The following SLC38A4 variants were observed in gnomAD, a reference collection of about 807,000 sequenced individuals.
The protein encoded by SLC38A4 is solute carrier family 38 member 4, also known as sodium-coupled neutral amino acid transporter 4.
SLC38A4 carries 20 observed loss-of-function variants against 63.1 expected under a neutral mutation model. The ratio of observed to expected loss-of-function variants is 0.32; its 90% CI spans 0.22 to 0.46. The LOEUF (loss-of-function observed/expected upper bound fraction) is 0.46. Among genes scored for constraint, SLC38A4 ranks in the 20% least tolerant of loss-of-function variants. The probability of loss-of-function intolerance (pLI) is 1.00; values close to 1 mark genes in which losing one functional copy is unlikely to be tolerated. For synonymous variants in SLC38A4, 230 were observed against 225.5 expected, an observed-to-expected ratio of 1.02 and a Z score of -0.18; for missense variants, 526 against 663.6, an observed-to-expected ratio of 0.79 and a Z score of 2.28.
At chr12:46,814,092 T>C (rs879458003) in intron 1 of SLC38A4, among the ~76,000 whole-genome samples, 3 of 152,168 alleles carry the variant, frequency 2.0e-5, no homozygotes, top group Non-Finnish European at 2.9e-5. Flanking sequence ...GTATTGGATA[T>C]ACAGCATTAT....
At chr12:46,823,694 T>C (rs1282149022) in intron 1 of SLC38A4, among the ~76,000 whole-genome samples, 3 of 152,220 alleles carry the variant, frequency 2.0e-5, no homozygotes, top group Admixed American at 6.5e-5. Flanking sequence ...TTCCGAAACC[T>C]CAACGGGATA....
chr12:46,802,547 A>T (rs1485571979), intron 2 of SLC38A4, among the ~76,000 whole-genome samples: 7 of 152,042 alleles, frequency 4.6e-5, no homozygotes, highest in Admixed American at 4.6e-4. Flanking sequence ...CAGATCTTAA[A>T]TGTTGCTTAT....
At chr12:46,799,889 T>C (rs763488855) in intron 2 of SLC38A4, among the ~76,000 whole-genome samples, 3 of 152,150 alleles carry the variant, frequency 2.0e-5, no homozygotes, top group Non-Finnish European at 4.4e-5. Flanking sequence ...TCCTTGCACC[T>C]GAGGAACTCA....
chr12:46,782,750 C>T (rs1411639068), intron 7 of SLC38A4, among the ~76,000 whole-genome samples: 1 of 150,908 alleles, frequency 6.6e-6, no homozygotes, highest in African/African-American at 2.4e-5. Flanking sequence ...CTTATTTCAT[C>T]CTCACAATAG....
At chr12:46,811,898 C>T (rs1038058885) in intron 1 of SLC38A4, among the ~76,000 whole-genome samples, 3 of 151,872 alleles carry the variant, frequency 2.0e-5, no homozygotes, top group African/African-American at 7.3e-5. Flanking sequence ...AATTGCAAGT[C>T]TTACAGGAGT....
chr12:46,766,873 C>A, intron 16 of SLC38A4, 71 bp from the exon 17 acceptor site: 1 of 993,990 alleles, frequency 1.0e-6, no homozygotes, highest in South Asian at 1.4e-5. Flanking sequence ...TAGTTGTTTA[C>A]ATAATATGGC....
At position 46,831,865 on chromosome 12, in the gene SLC38A4, G is replaced by C. The variant is rs74082914; in HGVS notation, c.-108+462C>G. On this transcript the variant is annotated intron_variant, in intron 1 of 6. Coordinates refer to the SLC38A4 transcript ENST00000546940. The stretch of plus-strand genomic sequence containing the variant: ...AGTCGGGCCTCTCAGCCAGGCAGGC[G>C]GCGCGGCCACGGAACGCAGTCCCAA... Among the ~76,000 whole-genome samples the C allele has an allele frequency of 1.8e-3, 270 of 152,262 alleles. 1 individual carries two copies. Among genetic ancestry groups the C allele is most frequent in the African/African-American group, 6.1e-3 (254 of 41,564 alleles).
chr12:46,830,283 TTC>T (rs142069074), upstream of SLC38A4, among the ~76,000 whole-genome samples: 53 of 148,068 alleles, frequency 3.6e-4, no homozygotes, highest in Non-Finnish European at 3.1e-4. Flanking sequence ...ATTTAAGAAA[TTC>T]TCTCTCTCTC....
At chr12:46,823,072 C>A (rs570452172) in intron 1 of SLC38A4, among the ~76,000 whole-genome samples, 2 of 152,222 alleles carry the variant, frequency 1.3e-5, no homozygotes, top group Non-Finnish European at 2.9e-5. Flanking sequence ...CAGAAAACAA[C>A]CCTCCCATCA....
chr12:46,773,292 G>T (rs576949002), intron 14 of SLC38A4, among the ~76,000 whole-genome samples: 1 of 152,134 alleles, frequency 6.6e-6, no homozygotes, highest in East Asian at 1.9e-4. Context: ...TCCCAAGCAC[G>T]ACGGAGCTCA....
chr12:46,768,867 CTT>C (rs1457950317), intron 15 of SLC38A4, among the ~76,000 whole-genome samples: 1 of 152,044 alleles, frequency 6.6e-6, no homozygotes, highest in Non-Finnish European at 1.5e-5. Context: ...TAATAATACA[CTT>C]TATATAATCA....
At chr12:46,831,568 C>T (rs1221911902) in intron 1 of SLC38A4, among the ~76,000 whole-genome samples, 3 of 152,200 alleles carry the variant, frequency 2.0e-5, no homozygotes, top group Non-Finnish European at 4.4e-5. Context: ...AGTTTTCAGA[C>T]TCGCCCACCG....
intron 16 of SLC38A4, among the ~76,000 whole-genome samples, chr12:46,767,080 T>C (rs1938316408): frequency 6.6e-6 from 1 of 151,904 alleles, no homozygotes; most frequent in Admixed American, 6.6e-5. Context: ...TTATTAAAAA[T>C]CAAGGGACAG....
At chr12:46,811,882 A>G (rs1458050920) in intron 1 of SLC38A4, among the ~76,000 whole-genome samples, 2 of 151,938 alleles carry the variant, frequency 1.3e-5, no homozygotes, top group Non-Finnish European at 2.9e-5. Context: ...TGTCAAAAAA[A>G]AAGCTAATTG....
chr12:46,831,442 C>G, intron 1 of SLC38A4, among the ~76,000 whole-genome samples: 1 of 152,248 alleles, frequency 6.6e-6, no homozygotes, highest in Admixed American at 6.5e-5. Context: ...GCTCGGTTGC[C>G]GCGACCCCAC....
In SLC38A4 at chr12:46,766,668, T is replaced by G; in HGVS notation, c.*33A>C. On this transcript the variant is annotated 3_prime_UTR_variant, in exon 17 of 17. Transcript: ENST00000266579. ...CTTTTGGAGTATAACTTGTAACCAT[T>G]TCCAATAGAAAAAGAAAGTATTTTT... The G allele has an allele frequency of 7.4e-7, 1 of 1,351,054 alleles. No homozygotes were observed. The highest frequency in any genetic ancestry group is 1.1e-6 in the Non-Finnish European group (1 of 947,180). 83.7% of individuals were successfully genotyped at this position (1,351,054 alleles called of 1,614,324 possible).
At chr12:46,791,674 C>T (rs753493989) in intron 3 of SLC38A4, among the ~76,000 whole-genome samples, 13 of 152,196 alleles carry the variant, frequency 8.5e-5, no homozygotes, top group Non-Finnish European at 1.6e-4. Flanking sequence ...TGTGCACTCA[C>T]TATGCACCAG....
chr12:46,806,970 G>A (rs762936459), intron 1 of SLC38A4, among the ~76,000 whole-genome samples: 2 of 151,508 alleles, frequency 1.3e-5, no homozygotes, highest in African/African-American at 4.8e-5. Flanking sequence ...AAGTTCCAGC[G>A]GGATCAAGTT....
chr12:46,767,870 A>C (rs1159836957), intron 16 of SLC38A4, among the ~76,000 whole-genome samples: 1 of 152,102 alleles, frequency 6.6e-6, no homozygotes. Flanking sequence ...CACACCAGGG[A>C]CAACAGGTAC....
Sources: allele counts gnomAD v4.1 joint callset (sites outside exome capture counted in the v4.1 genomes callset), GRCh38; gene constraint gnomAD v4.1.1; transcripts MANE v1.5; gene names NCBI Gene and HGNC (gene_info 2026-07-23, HGNC 2026-07-21).